Variants in ANKRD45 observed in about 807,000 individuals in gnomAD.
ANKRD45 encodes ankyrin repeat domain-containing protein 45.
In ANKRD45, 21 loss-of-function variants were observed where a neutral mutation model predicts 28.1. That is an observed-to-expected ratio of 0.75 (90% CI 0.53 to 1.08). ANKRD45 has a LOEUF of 1.08. Ranked by LOEUF, ANKRD45 falls within the 50% of genes least tolerant of loss-of-function variation. The pLI is 0.00. For synonymous variants in ANKRD45, 86 were observed against 103.9 expected (o/e 0.83, Z 1.05); for missense variants, 261 against 308.7 (o/e 0.85, Z 1.16).
the ANKRD45 span, among the ~76,000 whole-genome samples, chr1:173,696,175 G>A: frequency 1.3e-5 from 2 of 152,054 alleles, no homozygotes; most frequent in Admixed American, 6.6e-5. Flanking sequence ...CGGACACCCA[G>A]CTTTAAAATT....
At chr1:173,655,954 T>G (rs896087953) in intron 2 of ANKRD45, among the ~76,000 whole-genome samples, 4 of 152,220 alleles carry the variant, frequency 2.6e-5, no homozygotes, top group African/African-American at 4.8e-5. Context: ...GCTAAGACTG[T>G]TGTAAAAGCA....
chr1:173,675,212 T>A, the ANKRD45 span: 8 of 218,396 alleles, frequency 3.7e-5, no homozygotes, highest in South Asian at 2.2e-4. Flanking sequence ...CGCAGGGCTT[T>A]AAAAAAAAGT....
At position 173,610,072 on chromosome 1, in the gene ANKRD45, C is replaced by T. The variant is rs1049590164; in HGVS notation, c.*73G>A. The T allele has an allele frequency of 1.3e-5, 19 of 1,436,036 alleles. No homozygotes were observed. The highest frequency in any genetic ancestry group is 5.5e-5 in the Admixed American group (3 of 54,352). 89.0% of individuals were successfully genotyped at this position (1,436,036 alleles called of 1,614,324 possible). On this transcript the variant is annotated 3_prime_UTR_variant, in exon 6 of 6. Transcript: ENST00000333279. ...TTAAAGAAACCCACATCTGTTTTCTCGATTTCAAATGGCATGAATAGGTTT... is the reference window on the plus strand; with the variant it reads ...TTAAAGAAACCCACATCTGTTTTCTTGATTTCAAATGGCATGAATAGGTTT...
chr1:173,698,452 A>G, the ANKRD45 span, among the ~76,000 whole-genome samples: 10 of 152,190 alleles, frequency 6.6e-5, no homozygotes, highest in South Asian at 2.1e-4. Flanking sequence ...GTAAAAGAAC[A>G]CAAATCACAA....
chr1:173,682,573 A>G, the ANKRD45 span, among the ~76,000 whole-genome samples: 3 of 152,042 alleles, frequency 2.0e-5, no homozygotes, highest in East Asian at 3.9e-4. Flanking sequence ...AGCAGAAGTA[A>G]ATGAAGAAAA....
chr1:173,635,803 T>C, intron 3 of ANKRD45: 1 of 1,535,404 alleles, frequency 6.5e-7, no homozygotes, highest in Non-Finnish European at 8.7e-7. Flanking sequence ...TTGTTTTGTC[T>C]GTGCATTACC....
At chr1:173,688,005 T>A in the ANKRD45 span, among the ~76,000 whole-genome samples, 2 of 149,520 alleles carry the variant, frequency 1.3e-5, no homozygotes, top group African/African-American at 5.1e-5. Context: ...TTTTTTTTTT[T>A]AACAGAATTG....
At chr1:173,636,475 A>T (rs1487608519) in intron 3 of ANKRD45, among the ~76,000 whole-genome samples, 3 of 152,206 alleles carry the variant, frequency 2.0e-5, no homozygotes, top group Non-Finnish European at 4.4e-5. Flanking sequence ...TCTTATTTTT[A>T]AAATGACTAT....
chr1:173,641,327 G>A (rs1028725293), intron 3 of ANKRD45, among the ~76,000 whole-genome samples: 1 of 152,200 alleles, frequency 6.6e-6, no homozygotes, highest in Non-Finnish European at 1.5e-5. Flanking sequence ...ACCAAGCATG[G>A]ACTGTATGGT....
chr1:173,686,008 G>C, the ANKRD45 span, among the ~76,000 whole-genome samples: 1 of 152,108 alleles, frequency 6.6e-6, no homozygotes, highest in Non-Finnish European at 1.5e-5. Flanking sequence ...CAGAATGTTG[G>C]ACCAACTACA....
At chr1:173,714,033 A>C in the ANKRD45 span, among the ~76,000 whole-genome samples, 1 of 152,184 alleles carries the variant, frequency 6.6e-6, no homozygotes, top group Non-Finnish European at 1.5e-5. Flanking sequence ...ACTACAAGCT[A>C]ATTAACAAGA....
chr1:173,621,698 T>C (rs566857826), intron 5 of ANKRD45, among the ~76,000 whole-genome samples: 2 of 152,192 alleles, frequency 1.3e-5, no homozygotes, highest in East Asian at 3.9e-4. Context: ...ACAGCCAATA[T>C]CATAATGAAA....
chr1:173,669,590 C>CT, intron 1 of ANKRD45: 1 of 429,608 alleles, frequency 2.3e-6, no homozygotes, highest in South Asian at 1.7e-5. Flanking sequence ...AGAGTTTGCT[C>CT]TTCGGCCTGA....
intron 2 of ANKRD45, chr1:173,657,625 C>CTTCTTTTT (rs1669595690): frequency 1.4e-5 from 1 of 70,694 alleles, no homozygotes; most frequent in Non-Finnish European, 2.7e-5. Flanking sequence ...TCTTCTTCTT[C>CTTCTTTTT]TTTTTTTTTT....
chr1:173,667,519 T>C (rs1228109448), intron 1 of ANKRD45, among the ~76,000 whole-genome samples: 2 of 151,976 alleles, frequency 1.3e-5, no homozygotes, highest in Admixed American at 1.3e-4. Flanking sequence ...CTGGCCAATA[T>C]GGTGAAACCC....
chr1:173,613,737 C>T (rs1391652856), intron 5 of ANKRD45, among the ~76,000 whole-genome samples: 3 of 152,218 alleles, frequency 2.0e-5, no homozygotes, highest in Admixed American at 6.5e-5. Flanking sequence ...TGAGGATCCC[C>T]TCTACCCGGC....
chr1:173,712,891 A>C, the ANKRD45 span, among the ~76,000 whole-genome samples: 1 of 152,188 alleles, frequency 6.6e-6, no homozygotes, highest in Non-Finnish European at 1.5e-5. Context: ...GCCCACCTTC[A>C]GTTTTTGATT....
intron 3 of ANKRD45, among the ~76,000 whole-genome samples, chr1:173,631,418 G>A (rs752929254): frequency 2.0e-5 from 3 of 151,762 alleles, no homozygotes; most frequent in Non-Finnish European, 2.9e-5. Flanking sequence ...CAGATCATCC[G>A]GACAGATCAT....
intron 3 of ANKRD45, among the ~76,000 whole-genome samples, chr1:173,643,605 T>C (rs1440483570): frequency 4.6e-5 from 7 of 152,166 alleles, no homozygotes; most frequent in Non-Finnish European, 1.0e-4. Context: ...TAAATGATTA[T>C]AGATTAATGT....
Sources: gnomAD v4.1 joint callset for allele counts (sites outside exome capture counted in the v4.1 genomes callset) on GRCh38, gnomAD v4.1.1 for gene constraint, MANE v1.5 for transcripts, NCBI Gene and HGNC (gene_info 2026-07-23, HGNC 2026-07-21) for gene names.